The following ERP44 variants were observed in gnomAD, a reference collection of about 807,000 sequenced individuals.
ERP44 encodes endoplasmic reticulum protein 44.
A neutral mutation model predicts 53.4 loss-of-function variants in ERP44; 25 were observed. That is an observed-to-expected ratio of 0.47 (90% CI 0.34 to 0.65). The LOEUF is 0.65. ERP44 is among the 30% of genes least tolerant of loss of function. ERP44 has a pLI of 0.01. For missense variants in ERP44, 338 were observed against 493.2 expected, an observed-to-expected ratio of 0.69 and a Z score of 2.98; for synonymous variants, 145 against 161.2, an observed-to-expected ratio of 0.90 and a Z score of 0.76.
chr9:99,993,655 G>C lies in ERP44; in HGVS notation c.1017-8586C>G, dbSNP rs996685206. On this transcript the variant is annotated intron_variant, in intron 10 of 11. Transcript: ENST00000262455. ...AGCAATGGCAACAAAAGCCAAAATT[G>C]ACAAATGGGATCTAATTAAACTAAA... Among the ~76,000 whole-genome samples the C allele has an allele frequency of 7.9e-5, 12 of 152,270 alleles. No homozygotes were observed. The South Asian group carries it at 2.1e-3, about 26-fold the overall frequency.
chr9:99,991,228 A>C (rs563517174), intron 10 of ERP44, among the ~76,000 whole-genome samples: 29 of 152,336 alleles, frequency 1.9e-4, no homozygotes, highest in South Asian at 1.4e-3. Flanking sequence ...TCTCAGCACC[A>C]CATCACACTT....
intron 1 of ERP44, among the ~76,000 whole-genome samples, chr9:100,079,372 C>T (rs10988963): frequency 0.68 from 102,136 of 150,938 alleles, 35,788 homozygotes; most frequent in East Asian, 0.91. Context: ...TTGTGGAACC[C>T]TGTGATTGTG....
intron 4 of ERP44, among the ~76,000 whole-genome samples, chr9:100,047,174 G>C (rs552646431): frequency 2.6e-5 from 4 of 152,244 alleles, no homozygotes; most frequent in African/African-American, 9.6e-5. Flanking sequence ...AAATCTTTGT[G>C]ATCCTGTGTG....
Position 100,098,963 on chromosome 9 carries a change from C to A in ERP44, c.-123G>T. On this transcript the variant is annotated 5_prime_UTR_variant, in exon 1 of 12. Transcript: ENST00000262455. Reference sequence around the variant, plus strand: ...CAGCGGAGGATTCTCCAGGCAGCGGCACCTCGTCCTCTCGACCCGGGCTCC... The same window carrying A: ...CAGCGGAGGATTCTCCAGGCAGCGGAACCTCGTCCTCTCGACCCGGGCTCC... 1.4e-6 allele frequency: 1 copy of A among 738,172 alleles called. No individual in the cohort carries two copies. Among genetic ancestry groups the A allele is most frequent in the Non-Finnish European group, 2.3e-6 (1 of 434,078 alleles). The allele number at this position is 738,172 out of a possible 1,614,324, so 45.7% of individuals were successfully genotyped here. A position where few individuals can be genotyped will look rare whatever the true frequency, so the allele number is the denominator to read the frequency against.
At chr9:100,072,173 T>A (rs1826313007) in intron 1 of ERP44, among the ~76,000 whole-genome samples, 1 of 152,202 alleles carries the variant, frequency 6.6e-6, no homozygotes, top group African/African-American at 2.4e-5. Context: ...CTCAAAGCTT[T>A]CTTATATATT....
intron 4 of ERP44, among the ~76,000 whole-genome samples, chr9:100,038,683 C>A (rs1825870388): frequency 6.6e-6 from 1 of 151,942 alleles, no homozygotes; most frequent in African/African-American, 2.4e-5. Context: ...CTAAACTCTT[C>A]AATCAAAAGA....
intron 4 of ERP44, among the ~76,000 whole-genome samples, chr9:100,040,344 T>C (rs2118686227): frequency 6.6e-6 from 1 of 152,304 alleles, no homozygotes; most frequent in Admixed American, 6.5e-5. Context: ...CTCTGGGATG[T>C]AAGGATGATG....
At chr9:100,046,422 A>C (rs757113694) in intron 4 of ERP44, among the ~76,000 whole-genome samples, 2 of 152,208 alleles carry the variant, frequency 1.3e-5, no homozygotes, top group Non-Finnish European at 2.9e-5. Flanking sequence ...CAAAATAGGT[A>C]AGGAATATAA....
intron 1 of ERP44, among the ~76,000 whole-genome samples, chr9:100,069,995 T>C (rs1035575199): frequency 6.6e-5 from 10 of 152,228 alleles, no homozygotes; most frequent in African/African-American, 2.4e-4. Flanking sequence ...ATAAAAAGTT[T>C]TTCAGAGCTG....
At chr9:100,049,008 T>G (rs1164615988) in intron 4 of ERP44, among the ~76,000 whole-genome samples, 4 of 152,348 alleles carry the variant, frequency 2.6e-5, no homozygotes, top group Middle Eastern at 3.4e-3. Context: ...AGTAATTTTA[T>G]GTATATGTTA....
chr9:100,067,760 G>A (rs1229892807), intron 1 of ERP44, among the ~76,000 whole-genome samples: 4 of 151,358 alleles, frequency 2.6e-5, no homozygotes, highest in South Asian at 2.1e-4. Context: ...GCCTCTTCCC[G>A]GCCGCCATCC....
chr9:100,066,919 T>C (rs1300842157), intron 1 of ERP44, among the ~76,000 whole-genome samples: 4 of 152,094 alleles, frequency 2.6e-5, no homozygotes, highest in African/African-American at 4.8e-5. Flanking sequence ...AGAAGCACTA[T>C]AATGAACTAG....
intron 4 of ERP44, among the ~76,000 whole-genome samples, chr9:100,051,509 GTC>G (rs1368926043): frequency 1.3e-5 from 2 of 152,164 alleles, no homozygotes; most frequent in Non-Finnish European, 2.9e-5. Context: ...TTCGTGAGCA[GTC>G]TCTGTCTCCC....
At position 100,057,960 on chromosome 9, in the gene ERP44, T is replaced by TA. The variant is rs574809268; in HGVS notation, c.131-102dup. The TA allele has an allele frequency of 1.5e-3, 1,326 of 868,860 alleles. 23 individuals carry two copies. In the South Asian group the frequency reaches 0.02, roughly 13 times the overall value. The allele number at this position is 868,860 out of a possible 1,614,324, so 53.8% of individuals were successfully genotyped here. ...TCTTTGTCCAATATAAGGGTCCACT[T>TA]AAAAAAACACAGTAACTATTATCTC... is the stretch of plus-strand genomic sequence containing the variant. On this transcript the variant is annotated intron_variant, in intron 2 of 11. Transcript: ENST00000262455.
intron 1 of ERP44, among the ~76,000 whole-genome samples, chr9:100,080,592 C>T (rs1587984091): frequency 1.3e-5 from 2 of 152,110 alleles, no homozygotes; most frequent in East Asian, 3.9e-4. Flanking sequence ...GATGCATATA[C>T]TGTAAGGCTA....
intron 4 of ERP44, among the ~76,000 whole-genome samples, chr9:100,032,025 G>C (rs1340717934): frequency 2.0e-5 from 3 of 152,172 alleles, no homozygotes; most frequent in Non-Finnish European, 4.4e-5. Flanking sequence ...TTTTGGATTA[G>C]AGAAGCATGC....
In ERP44 at chr9:99,982,240, TGAAA is replaced by T. The variant is rs962777254; in HGVS notation, c.*368_*371del. 2 of 153,644 alleles carry T rather than the reference TGAAA, an allele frequency of 1.3e-5. No homozygotes were observed. Among genetic ancestry groups the T allele is most frequent in the African/African-American group, 4.8e-5 (2 of 41,474 alleles). The allele number at this position is 153,644 out of a possible 1,614,324, so 9.5% of individuals were successfully genotyped here. On this transcript the variant is annotated 3_prime_UTR_variant, in exon 12 of 12. Transcript: ENST00000262455. ...GAAAATACCAACAGAATTGATCATATGAAAGAAAGAAAAGCACATACGACACAGG... is the reference window on the plus strand; with the variant it reads ...GAAAATACCAACAGAATTGATCATATGAAAGAAAAGCACATACGACACAGG...
chr9:100,033,290 C>T (rs1468660911), intron 4 of ERP44, among the ~76,000 whole-genome samples: 1 of 151,102 alleles, frequency 6.6e-6, no homozygotes, highest in Non-Finnish European at 1.5e-5. Flanking sequence ...CAATAAAAGC[C>T]CCTTGAGAAA....
At chr9:100,038,707 A>G (rs781490659) in intron 4 of ERP44, among the ~76,000 whole-genome samples, 5 of 152,028 alleles carry the variant, frequency 3.3e-5, no homozygotes, top group Non-Finnish European at 5.9e-5. Flanking sequence ...AGACTGGTGT[A>G]ATGGATTTAA....
Sources: allele counts gnomAD v4.1 joint callset (sites outside exome capture counted in the v4.1 genomes callset), GRCh38; gene constraint gnomAD v4.1.1; transcripts MANE v1.5; gene names NCBI Gene and HGNC (gene_info 2026-07-23, HGNC 2026-07-21).